TGIF1: variants seen among roughly 807,000 people sequenced by gnomAD.
TGIF1 encodes homeobox protein TGIF1.
A neutral mutation model predicts 19.3 loss-of-function variants in TGIF1; 4 were observed. That is an observed-to-expected ratio of 0.21 (90% CI 0.10 to 0.47). The LOEUF (loss-of-function observed/expected upper bound fraction) is 0.47, where lower values mean the gene tolerates loss of function less well. TGIF1 is among the 20% of genes least tolerant of loss of function. The pLI is 0.98. For synonymous variants in TGIF1, 122 were observed against 129.3 expected, an observed-to-expected ratio of 0.94 and a Z score of 0.38; for missense variants, 275 against 341.4, an observed-to-expected ratio of 0.81 and a Z score of 1.53.
intron 1 of TGIF1, chr18:3,455,972 G>T: frequency 2.9e-6 from 1 of 342,434 alleles, no homozygotes; most frequent in Non-Finnish European, 5.7e-6. Flanking sequence ...TAGAAAGAAG[G>T]TTGGTAGGCA....
intron 2 of TGIF1, among the ~76,000 whole-genome samples, chr18:3,443,953 G>A (rs978223107): frequency 1.0e-5 from 1 of 97,050 alleles, no homozygotes; most frequent in Non-Finnish European, 2.2e-5. Context: ...TTTTTTTTTT[G>A]AGACGGAGTC....
intron 2 of TGIF1, among the ~76,000 whole-genome samples, chr18:3,431,655 T>A (rs1019486900): frequency 2.6e-5 from 4 of 151,658 alleles, no homozygotes; most frequent in Non-Finnish European, 5.9e-5. Flanking sequence ...AACTAAAGGG[T>A]AAAAGTTTGA....
intron 2 of TGIF1, among the ~76,000 whole-genome samples, chr18:3,430,788 A>G (rs1169572709): frequency 6.6e-6 from 1 of 151,670 alleles, no homozygotes; most frequent in African/African-American, 2.4e-5. Context: ...CTGGGATTAT[A>G]GGCACAAGCC....
At chr18:3,414,095 A>G (rs776017897) in intron 1 of TGIF1, among the ~76,000 whole-genome samples, 16 of 152,358 alleles carry the variant, frequency 1.1e-4, no homozygotes, top group South Asian at 8.3e-4. Flanking sequence ...TAGATACACA[A>G]TCGTATCATT....
At chr18:3,449,940 C>A, upstream of TGIF1, 2 of 986,474 alleles carry the variant, frequency 2.0e-6, no homozygotes, top group Non-Finnish European at 2.4e-6. Flanking sequence ...GCGAGGGATG[C>A]GGGCGGTCCG....
chr18:3,452,457 G>T (rs1270840667), intron 1 of TGIF1: 8 of 1,601,446 alleles, frequency 5.0e-6, no homozygotes, highest in Non-Finnish European at 6.8e-6. Context: ...AGGTTACCCG[G>T]GTTTCTTTCC....
In TGIF1 at chr18:3,459,812, T is replaced by C. The variant is rs952273167; in HGVS notation, c.*1872T>C. ...TCCCTATTGAGGTTGTTACAGGTCA[T>C]GGTTGATAATAGTTGGTGTTGAATG... On this transcript the variant is annotated 3_prime_UTR_variant, in exon 3 of 3. Coordinates refer to ENST00000343820, the MANE Select transcript of TGIF1 (RefSeq NM_003244.4). 2.0e-5 allele frequency: 3 copies of C among 152,220 alleles called. No homozygotes were observed. Among genetic ancestry groups the C allele is most frequent in the Non-Finnish European group, 4.4e-5 (3 of 68,046 alleles). 9.4% of individuals were successfully genotyped at this position (152,220 alleles called of 1,614,324 possible).
At chr18:3,443,378 A>G (rs1371664886) in intron 2 of TGIF1, among the ~76,000 whole-genome samples, 4 of 151,800 alleles carry the variant, frequency 2.6e-5, no homozygotes, top group Non-Finnish European at 5.9e-5. Flanking sequence ...ACAGACTACA[A>G]CTTCTTCATC....
intron 2 of TGIF1, among the ~76,000 whole-genome samples, chr18:3,443,900 C>G (rs1033994776): frequency 6.6e-6 from 1 of 150,652 alleles, no homozygotes; most frequent in Non-Finnish European, 1.5e-5. Context: ...TGCATACTGC[C>G]TGGCATGCTG....
intron 2 of TGIF1, among the ~76,000 whole-genome samples, chr18:3,425,520 A>T (rs934466677): frequency 1.3e-5 from 2 of 152,156 alleles, no homozygotes; most frequent in African/African-American, 4.8e-5. Context: ...AGAGTTTAAG[A>T]TTGGCCTTTT....
upstream of TGIF1, among the ~76,000 whole-genome samples, chr18:3,445,498 G>A (rs2082728982): frequency 6.6e-6 from 1 of 151,848 alleles, no homozygotes; most frequent in Non-Finnish European, 1.5e-5. Flanking sequence ...GCTGAGGCGG[G>A]CGGATCATGA....
chr18:3,444,831 C>T (rs750985063), intron 2 of TGIF1, among the ~76,000 whole-genome samples: 22 of 152,098 alleles, frequency 1.4e-4, no homozygotes, highest in African/African-American at 5.3e-4. Flanking sequence ...ACCAAGCCAA[C>T]AGTCAAGTAA....
At position 3,452,201 on chromosome 18, in the gene TGIF1, C is replaced by T. The variant is rs557414388; in HGVS notation, c.16+1696C>T. The T allele has an allele frequency of 5.6e-6, 9 of 1,604,114 alleles. No homozygotes were observed. The South Asian group carries it at 8.8e-5, about 16-fold the overall frequency. On this transcript the variant is annotated intron_variant, in intron 1 of 2. Coordinates refer to ENST00000343820, the MANE Select transcript of TGIF1 (RefSeq NM_003244.4). ...CCTCCCTGGCGACCCCCTCTGCGCT[C>T]CTGGGGTCCTCCTGCGCCCCCCCTC...
At chr18:3,452,054 T>C (rs751583843) in intron 1 of TGIF1, 27 of 1,613,620 alleles carry the variant, frequency 1.7e-5, no homozygotes, top group Non-Finnish European at 2.3e-5. Flanking sequence ...GGGGCGGCTC[T>C]GATTCCTTTC....
At position 3,454,923 on chromosome 18, in the gene TGIF1, TAA is replaced by T. The variant is rs1295503065; in HGVS notation, c.17-1428_17-1427del. On this transcript the variant is annotated intron_variant, in intron 1 of 2. Transcript: ENST00000343820. ...AAATGTGTCACCAAGTCAGAGTCAT[TAA>T]AAGGGTGGGAAAAATTCCTTTAAAA... Among the ~76,000 whole-genome samples, 3 of 152,290 alleles carry T rather than the reference TAA, an allele frequency of 2.0e-5. No individual in the cohort carries two copies. In the East Asian group the frequency reaches 5.8e-4, roughly 29 times the overall value.
Position 3,433,321 on chromosome 18 carries a change from G to A in TGIF1, c.-45+15106G>A, listed in dbSNP as rs553507883. Among the ~76,000 whole-genome samples, 15 of 152,200 alleles carry A rather than the reference G, an allele frequency of 9.9e-5. No individual in the cohort carries two copies. In the South Asian group the frequency reaches 1.0e-3, roughly 10 times the overall value. On this transcript the variant is annotated intron_variant, in intron 2 of 3. Transcript: ENST00000401449. ...ACTCCTGGCCTCACGTGATCCGCCC[G>A]CCTCAGCCTCCCAAAGTGCTAGGAT...
chr18:3,459,736 A>G lies in TGIF1; in HGVS notation c.*1796A>G, dbSNP rs1361805651. Reference sequence around the variant, plus strand: ...AGGAAAGGAGCCATATGACTCATTTAAAAGAAAAACTGTAAGTCACCTTAA... The same window carrying G: ...AGGAAAGGAGCCATATGACTCATTTGAAAGAAAAACTGTAAGTCACCTTAA... On this transcript the variant is annotated 3_prime_UTR_variant, in exon 3 of 3. Coordinates refer to ENST00000343820, the MANE Select transcript of TGIF1 (RefSeq NM_003244.4). 1 of 152,222 alleles carries G rather than the reference A, an allele frequency of 6.6e-6. No homozygotes were observed. The highest frequency in any genetic ancestry group is 1.5e-5 in the Non-Finnish European group (1 of 68,034). 9.4% of individuals were successfully genotyped at this position (152,222 alleles called of 1,614,324 possible).
intron 2 of TGIF1, among the ~76,000 whole-genome samples, chr18:3,423,173 G>A (rs2143147049): frequency 6.6e-6 from 1 of 152,174 alleles, no homozygotes; most frequent in African/African-American, 2.4e-5. Context: ...CTGAGTACAC[G>A]CCTAACACCT....
Position 3,456,916 on chromosome 18 carries a change from T to C in TGIF1, c.243+336T>C. ...CTTCAGTGAGGTAATTCATGTTATG[T>C]CTGTTGACACAGTCATTTGAACTGG... On this transcript the variant is annotated intron_variant, in intron 2 of 2. Coordinates refer to ENST00000343820, the MANE Select transcript of TGIF1 (RefSeq NM_003244.4). The surrounding 1 kb of genome is among the most constrained non-coding windows in gnomAD (Gnocchi z 4.2). 1 of 597,212 alleles carries C rather than the reference T, an allele frequency of 1.7e-6. No homozygotes were observed. The highest frequency in any genetic ancestry group is 3.0e-6 in the Non-Finnish European group (1 of 338,508). 37.0% of individuals were successfully genotyped at this position (597,212 alleles called of 1,614,324 possible). A position where few individuals can be genotyped will look rare whatever the true frequency, so the allele number is the denominator to read the frequency against.
Sources: gnomAD v4.1 joint callset for allele counts (sites outside exome capture counted in the v4.1 genomes callset) on GRCh38, gnomAD v4.1.1 for gene constraint, Gnocchi (gnomAD v3.1) non-coding constraint, MANE v1.5 for transcripts, NCBI Gene and HGNC (gene_info 2026-07-23, HGNC 2026-07-21) for gene names.